Variants in AMD1 observed in about 807,000 individuals in gnomAD.
AMD1 encodes S-adenosylmethionine decarboxylase proenzyme.
AMD1 carries 11 observed loss-of-function variants against 40.2 expected under a neutral mutation model. The ratio of observed to expected loss-of-function variants is 0.27; its 90% confidence interval spans 0.17 to 0.45. The LOEUF (loss-of-function observed/expected upper bound fraction) is 0.45, where lower values mean the gene tolerates loss of function less well. Among genes scored for constraint, AMD1 ranks in the 20% least tolerant of loss-of-function variants. AMD1 has a pLI of 1.00. For missense variants in AMD1, 257 were observed against 410.2 expected (o/e 0.63, Z 3.23); for synonymous variants, 121 against 130.8 (o/e 0.93, Z 0.51).
chr6:110,827,081 C>T, the AMD1 span, among the ~76,000 whole-genome samples: 2 of 152,068 alleles, frequency 1.3e-5, no homozygotes, highest in African/African-American at 4.8e-5. Flanking sequence ...AACTTGAGTA[C>T]ATCTGCAAAT....
the AMD1 span, among the ~76,000 whole-genome samples, chr6:110,839,447 C>T: frequency 1.3e-5 from 2 of 152,004 alleles, no homozygotes; most frequent in Non-Finnish European, 2.9e-5. Context: ...ATGGTGAAAA[C>T]CTGTCTCTAC....
chr6:110,882,896 A>G (rs1785485154), intron 1 of AMD1, among the ~76,000 whole-genome samples: 1 of 152,176 alleles, frequency 6.6e-6, no homozygotes, highest in Non-Finnish European at 1.5e-5. Context: ...AGATGGGAGG[A>G]TCTCATTAGC....
At chr6:110,841,723 T>C in the AMD1 span, among the ~76,000 whole-genome samples, 1 of 146,508 alleles carries the variant, frequency 6.8e-6, no homozygotes, top group East Asian at 2.1e-4. Flanking sequence ...AAACTTCCCA[T>C]GCCCCCATTA....
the AMD1 span, among the ~76,000 whole-genome samples, chr6:110,852,892 G>A: frequency 2.0e-5 from 3 of 151,794 alleles, no homozygotes; most frequent in South Asian, 2.1e-4. Flanking sequence ...TCTGGGGTGC[G>A]GAAGGAACTA....
the AMD1 span, among the ~76,000 whole-genome samples, chr6:110,827,238 G>A: frequency 6.6e-6 from 1 of 151,940 alleles, no homozygotes; most frequent in Non-Finnish European, 1.5e-5. Flanking sequence ...GTGGGAATTG[G>A]AGGGCATCTT....
the AMD1 span, among the ~76,000 whole-genome samples, chr6:110,856,762 G>A: frequency 2.6e-5 from 4 of 152,286 alleles, no homozygotes; most frequent in South Asian, 8.3e-4. Flanking sequence ...TCTCAAGTTG[G>A]AGGTTCAGGC....
chr6:110,831,908 A>G, the AMD1 span, among the ~76,000 whole-genome samples: 1 of 152,008 alleles, frequency 6.6e-6, no homozygotes, highest in Non-Finnish European at 1.5e-5. Flanking sequence ...CAATGGCATT[A>G]TCACAGCTGA....
upstream of AMD1, among the ~76,000 whole-genome samples, chr6:110,871,800 GGGAGATGTCTGGGTT>G (rs1395703609): frequency 6.6e-6 from 1 of 152,194 alleles, no homozygotes; most frequent in Admixed American, 6.5e-5. Flanking sequence ...TGAAATTCAA[GGGAGATGTCTGGGTT>G]GGAGATATAA....
the AMD1 span, among the ~76,000 whole-genome samples, chr6:110,848,899 G>T: frequency 6.6e-6 from 1 of 152,116 alleles, no homozygotes; most frequent in Non-Finnish European, 1.5e-5. Context: ...CAGCTACTCA[G>T]GAAGGGGAGG....
In AMD1 at chr6:110,892,962, G is replaced by T; in HGVS notation, c.761G>T (p.Ser254Ile). The stretch of plus-strand genomic sequence containing the variant: ...CCAGAACCAGAATTTTCTTATGTTA[G>T]CTTTGAAACAAACTTAAGTCAGACC... ...ITPEPEFSYVSFETNLSQTSY... is the reference protein window; with the variant it reads ...ITPEPEFSYVIFETNLSQTSY... The change falls in exon 8 of 9, where the codon AGC (serine) becomes ATC (isoleucine). Residue 254 changes from serine (S) to isoleucine (I), a missense_variant. Physicochemically the swap from Ser to Ile is moderately radical, Grantham distance 142. Around this residue, in one of 3 missense-constraint regions of AMD1, gnomAD observed 192 missense variants for 296.5 expected, o/e 0.65. Transcript: ENST00000368885. 1 of 1,613,948 alleles carries T rather than the reference G, an allele frequency of 6.2e-7. No individual in the cohort carries two copies. Among genetic ancestry groups the T allele is most frequent in the Non-Finnish European group, 8.5e-7 (1 of 1,179,982 alleles).
At position 110,875,057 on chromosome 6, in the gene AMD1, A is replaced by T; in HGVS notation, c.-49A>T. 6.9e-7 allele frequency: 1 copy of T among 1,458,320 alleles called. No homozygotes were observed. The highest frequency in any genetic ancestry group is 9.4e-7 in the Non-Finnish European group (1 of 1,058,752). 90.3% of individuals were successfully genotyped at this position (1,458,320 alleles called of 1,614,324 possible). A position where few individuals can be genotyped will look rare whatever the true frequency, so the allele number is the denominator to read the frequency against. On this transcript the variant is annotated 5_prime_UTR_variant, in exon 1 of 9. Coordinates refer to ENST00000368885, the MANE Select transcript of AMD1 (RefSeq NM_001634.6). ...GCGGCAGCGGCGGGAGAAGAGGTTT[A>T]ATTTAGTTGATTTTCTGTGGTTGTT...
the AMD1 span, among the ~76,000 whole-genome samples, chr6:110,840,784 G>T: frequency 6.6e-6 from 1 of 152,012 alleles, no homozygotes; most frequent in African/African-American, 2.4e-5. Flanking sequence ...CCCACTTCAG[G>T]GGGCAAGTGA....
chr6:110,843,195 G>C, the AMD1 span, among the ~76,000 whole-genome samples: 2 of 151,946 alleles, frequency 1.3e-5, no homozygotes, highest in East Asian at 3.9e-4. Flanking sequence ...GGGTATGGTG[G>C]TTCACGCCTG....
chr6:110,883,346 C>T (rs888115475), intron 1 of AMD1, among the ~76,000 whole-genome samples: 1 of 152,118 alleles, frequency 6.6e-6, no homozygotes, highest in African/African-American at 2.4e-5. Flanking sequence ...GGTATCTCCT[C>T]GCTGATTTCT....
Position 110,881,676 on chromosome 6 carries a change from C to G in AMD1, c.111-5829C>G, listed in dbSNP as rs1022920091. On this transcript the variant is annotated intron_variant, in intron 1 of 8. Coordinates refer to ENST00000368885, the MANE Select transcript of AMD1 (RefSeq NM_001634.6). Reference sequence around the variant, plus strand: ...ACTAAAAATACAAAAAAAAAATTAGCCTGACATGGTGGCAGATGCCTGTAA... The same window carrying G: ...ACTAAAAATACAAAAAAAAAATTAGGCTGACATGGTGGCAGATGCCTGTAA... Among the ~76,000 whole-genome samples, 4 of 151,922 alleles carry G rather than the reference C, an allele frequency of 2.6e-5. No individual in the cohort carries two copies. The East Asian group carries it at 5.8e-4, about 22-fold the overall frequency.
In AMD1 at chr6:110,883,896, C is replaced by T. The variant is rs1215220274; in HGVS notation, c.111-3609C>T. Among the ~76,000 whole-genome samples the T allele has an allele frequency of 2.6e-5, 4 of 152,072 alleles. No homozygotes were observed. The East Asian group carries it at 7.7e-4, about 29-fold the overall frequency. On this transcript the variant is annotated intron_variant, in intron 1 of 8. Coordinates refer to ENST00000368885, the MANE Select transcript of AMD1 (RefSeq NM_001634.6). ...GTGAGCCACTGCGCCCGGCCAAAGC[C>T]CTATTTTTATAGGTAGTGGATGAAG...
At chr6:110,885,592 G>A (rs541478531) in intron 1 of AMD1, among the ~76,000 whole-genome samples, 100 of 152,130 alleles carry the variant, frequency 6.6e-4, no homozygotes, top group Non-Finnish European at 1.3e-3. Flanking sequence ...CACCACACAA[G>A]CCAGGGGTAA....
chr6:110,886,984 G>A (rs1785727636), intron 1 of AMD1, among the ~76,000 whole-genome samples: 1 of 152,146 alleles, frequency 6.6e-6, no homozygotes, highest in African/African-American at 2.4e-5. Context: ...GGAGAGCTGC[G>A]TAGTATTCCC....
At chr6:110,873,701 CTGTT>C (rs1411699986), upstream of AMD1, among the ~76,000 whole-genome samples, 1 of 152,094 alleles carries the variant, frequency 6.6e-6, no homozygotes, top group Non-Finnish European at 1.5e-5. Context: ...TGAGGTTAAA[CTGTT>C]TGACCATGGC....
Sources: allele counts gnomAD v4.1 joint callset (sites outside exome capture counted in the v4.1 genomes callset), GRCh38; gene constraint gnomAD v4.1.1; regional missense constraint gnomAD v4.1.1; transcripts MANE v1.5; gene names NCBI Gene and HGNC (gene_info 2026-07-23, HGNC 2026-07-21).